The following EXOC4 variants were observed in gnomAD, a reference collection of about 807,000 sequenced individuals.
EXOC4 encodes SEC8-like 1.
Under a neutral mutation model 107.2 loss-of-function variants are expected in EXOC4, and 71 were observed. That is an observed-to-expected ratio of 0.66 (90% CI 0.55 to 0.81). EXOC4 has a LOEUF of 0.81. Ranked by LOEUF, EXOC4 falls within the 30% of genes least tolerant of loss-of-function variation. The pLI is 0.00. For missense variants in EXOC4, 1,108 were observed against 1,189.6 expected (o/e 0.93, Z 1.01); for synonymous variants, 456 against 441.2 (o/e 1.03, Z -0.42).
At chr7:134,005,399 T>G (rs538294683) in intron 16 of EXOC4, among the ~76,000 whole-genome samples, 10 of 152,188 alleles carry the variant, frequency 6.6e-5, no homozygotes, top group African/African-American at 2.4e-4. Flanking sequence ...GAGGAGCTTA[T>G]AAAAGAAAAA....
intron 7 of EXOC4, among the ~76,000 whole-genome samples, chr7:133,433,622 G>A (rs1368495625): frequency 6.6e-6 from 1 of 152,194 alleles, no homozygotes; most frequent in East Asian, 1.9e-4. Flanking sequence ...ACTCAGTATT[G>A]TGGCGGTAGC....
chr7:133,749,002 A>C (rs945471134), intron 10 of EXOC4, among the ~76,000 whole-genome samples: 17 of 152,208 alleles, frequency 1.1e-4, no homozygotes, highest in Admixed American at 1.1e-3. Context: ...CACAAAGATA[A>C]GTACTTGGCT....
intron 10 of EXOC4, among the ~76,000 whole-genome samples, chr7:133,646,134 G>T (rs1007961123): frequency 6.6e-6 from 1 of 152,172 alleles, no homozygotes; most frequent in Non-Finnish European, 1.5e-5. Flanking sequence ...CAACAAGTCA[G>T]TCAGGTTTGG....
rs1051140417 is a variant in EXOC4, at chr7:133,433,564, A to G, written c.1183-41764A>G. Among the ~76,000 whole-genome samples, 9 of 152,304 alleles carry G rather than the reference A, an allele frequency of 5.9e-5. No individual in the cohort carries two copies. The East Asian group carries it at 1.5e-3, about 26-fold the overall frequency. ...CCAGATAATGAGCATATATGTGAGC[A>G]AGGAAGATATACTTGTTGTATGCTG... On this transcript the variant is annotated intron_variant, in intron 7 of 17. Transcript: ENST00000253861.
intron 14 of EXOC4, among the ~76,000 whole-genome samples, chr7:133,957,812 A>C (rs1339830997): frequency 6.6e-6 from 1 of 152,198 alleles, no homozygotes; most frequent in Non-Finnish European, 1.5e-5. Flanking sequence ...ATTAACTCAA[A>C]TTCATTAGGG....
At chr7:133,359,713 A>G (rs1149561) in intron 6 of EXOC4, among the ~76,000 whole-genome samples, 150,742 of 152,264 alleles carry the variant, frequency 0.99, 74,630 homozygotes, top group East Asian at 1. Flanking sequence ...TTGTCTTTAT[A>G]TAAAGAGAAT....
At chr7:133,254,847 C>G (rs1794978761) in intron 1 of EXOC4, among the ~76,000 whole-genome samples, 1 of 152,192 alleles carries the variant, frequency 6.6e-6, no homozygotes, top group African/African-American at 2.4e-5. Context: ...ACTTTTGATT[C>G]TCCAGGCTGT....
At chr7:133,392,130 A>T (rs922998226) in intron 7 of EXOC4, among the ~76,000 whole-genome samples, 1 of 152,218 alleles carries the variant, frequency 6.6e-6, no homozygotes, top group African/African-American at 2.4e-5. Context: ...GTTGAATTTC[A>T]TTGGACATTT....
At chr7:134,008,196 C>A (rs1156405658) in intron 17 of EXOC4, among the ~76,000 whole-genome samples, 1 of 152,070 alleles carries the variant, frequency 6.6e-6, no homozygotes, top group Non-Finnish European at 1.5e-5. Flanking sequence ...GGTATATTTT[C>A]TCCTGGCTTT....
chr7:133,477,703 T>C lies in EXOC4; in HGVS notation c.1328+2230T>C, dbSNP rs145336021. Among the ~76,000 whole-genome samples, 34 of 152,380 alleles carry C rather than the reference T, an allele frequency of 2.2e-4. 1 individual carries two copies. The East Asian group carries it at 6.2e-3, about 28-fold the overall frequency. On this transcript the variant is annotated intron_variant, in intron 8 of 17. Transcript: ENST00000253861. ...ATTACTGGATCATTCAGTGATACTA[T>C]GTTTAGCTTCATAAGACACTGTCAA...
intron 10 of EXOC4, among the ~76,000 whole-genome samples, chr7:133,641,361 A>G (rs1301790994): frequency 6.6e-6 from 1 of 152,236 alleles, no homozygotes; most frequent in Non-Finnish European, 1.5e-5. Context: ...CAGTATGTCT[A>G]CAGTACCTTT....
At chr7:133,417,282 A>G (rs1327800409) in intron 7 of EXOC4, among the ~76,000 whole-genome samples, 1 of 152,218 alleles carries the variant, frequency 6.6e-6, no homozygotes, top group Non-Finnish European at 1.5e-5. Context: ...CAGTCAAAAG[A>G]AATCACCAGT....
intron 10 of EXOC4, among the ~76,000 whole-genome samples, chr7:133,681,075 G>T (rs1004421403): frequency 4.6e-5 from 7 of 152,182 alleles, no homozygotes; most frequent in African/African-American, 1.7e-4. Flanking sequence ...ATAGCCTCCT[G>T]CTTATGCCTG....
At chr7:133,623,639 C>G (rs973514101) in intron 9 of EXOC4, among the ~76,000 whole-genome samples, 2 of 152,248 alleles carry the variant, frequency 1.3e-5, no homozygotes, top group Non-Finnish European at 1.5e-5. Flanking sequence ...GGCTTGTTGC[C>G]TGGATTTTCT....
intron 14 of EXOC4, among the ~76,000 whole-genome samples, chr7:133,943,524 T>A (rs1800480665): frequency 6.6e-6 from 1 of 152,168 alleles, no homozygotes; most frequent in African/African-American, 2.4e-5. Context: ...AAACTTACTT[T>A]TCAGTGAAAT....
rs150455975 is a variant in EXOC4 at position 133,279,661 on chromosome 7, G to A, written c.276+4490G>A. Among the ~76,000 whole-genome samples, 86 of 152,156 alleles carry A rather than the reference G, an allele frequency of 5.7e-4. No homozygotes were observed. The East Asian group carries it at 0.013, about 23-fold the overall frequency. ...AGCCTCCTGAGTAGTTGGGACCATA[G>A]GTACATTCCACCATGCCTGGCTAAT... On this transcript the variant is annotated intron_variant, in intron 2 of 17. Transcript: ENST00000253861.
At chr7:133,959,897 C>T (rs1449281260) in intron 14 of EXOC4, among the ~76,000 whole-genome samples, 5 of 152,100 alleles carry the variant, frequency 3.3e-5, no homozygotes, top group Non-Finnish European at 5.9e-5. Flanking sequence ...AGAATACGGA[C>T]GTTTTCAGAC....
chr7:134,043,705 A>T (rs1481537681), intron 17 of EXOC4, among the ~76,000 whole-genome samples: 1 of 152,138 alleles, frequency 6.6e-6, no homozygotes, highest in African/African-American at 2.4e-5. Flanking sequence ...TTAGGGGCAC[A>T]TTGAGGAGTG....
chr7:133,452,576 A>G (rs540871816), intron 7 of EXOC4, among the ~76,000 whole-genome samples: 5 of 148,572 alleles, frequency 3.4e-5, no homozygotes, highest in Admixed American at 2.7e-4. Context: ...CTCTCTGTGC[A>G]TCTCGTATGT....
Sources: gnomAD v4.1 joint callset for allele counts (sites outside exome capture counted in the v4.1 genomes callset) on GRCh38, gnomAD v4.1.1 for gene constraint, MANE v1.5 for transcripts, NCBI Gene and HGNC (gene_info 2026-07-23, HGNC 2026-07-21) for gene names.